Variants in PLEKHG4B observed in about 807,000 individuals in gnomAD.
PLEKHG4B encodes the protein pleckstrin homology and RhoGEF domain containing G4B.
In PLEKHG4B, 111 loss-of-function variants were observed where a neutral mutation model predicts 121.3. The observed-to-expected ratio is 0.92, with a 90% CI of 0.78 to 1.07. PLEKHG4B has a LOEUF of 1.07. PLEKHG4B is among the 50% of genes least tolerant of loss of function. The pLI, the probability that PLEKHG4B is intolerant of heterozygous loss-of-function variation, is 0.00. For synonymous variants in PLEKHG4B, 738 were observed against 725.0 expected, an observed-to-expected ratio of 1.02 and a Z score of -0.29; for missense variants, 1,831 against 1,757.8, an observed-to-expected ratio of 1.04 and a Z score of -0.74.
At position 163,270 on chromosome 5, in the gene PLEKHG4B, C is replaced by T; in HGVS notation, c.3198C>T (p.Thr1066=). The change falls in exon 13 of 20, where the codon ACC becomes ACT. Residue 1066 remains threonine, a synonymous_variant. Transcript: ENST00000637938. ...CCTGTTCCTCTGAGCCCACCCAGAC[C>T]CTGGCCAGCCGCCCCAGGAAACATC... ...SSACSSEPTQ[T]LASRPRKHPQ... is the part of the protein sequence containing the mutation. The T allele has an allele frequency of 6.2e-7, 1 of 1,612,930 alleles. No individual in the cohort carries two copies. Among genetic ancestry groups the T allele is most frequent in the Non-Finnish European group, 8.5e-7 (1 of 1,179,912 alleles).
In PLEKHG4B at chr5:157,964, A is replaced by C. The variant is rs1735847718; in HGVS notation, c.2487+1053A>C. Among the ~76,000 whole-genome samples the C allele has an allele frequency of 6.6e-6, 1 of 152,108 alleles. No homozygotes were observed. Among genetic ancestry groups the C allele is most frequent in the African/African-American group, 2.4e-5 (1 of 41,434 alleles). ...AAGACGTGCAGCAGGGACGCGAGGC[A>C]CTGTGCATGCTCCTGGCCTCCCCAC... On this transcript the variant is annotated intron_variant, in intron 11 of 19. Coordinates refer to ENST00000637938, the MANE Select transcript of PLEKHG4B (RefSeq NM_052909.5). The surrounding 1 kb of genome is among the most constrained non-coding windows in gnomAD (Gnocchi z 4.6).
chr5:172,158 A>G (rs1351720633), intron 16 of PLEKHG4B, among the ~76,000 whole-genome samples: 2 of 152,126 alleles, frequency 1.3e-5, no homozygotes, highest in Admixed American at 1.3e-4. Flanking sequence ...CACCGACGGA[A>G]TCGGGGCTGC....
Position 182,386 on chromosome 5 carries a change from G to A in PLEKHG4B, c.*63G>A. Reference sequence around the variant, plus strand: ...ACAATACAGAGGGAGCAGCACGCCAGGCCTGATGACTCTGGGGGTGGCGGT... The same window carrying A: ...ACAATACAGAGGGAGCAGCACGCCAAGCCTGATGACTCTGGGGGTGGCGGT... On this transcript the variant is annotated 3_prime_UTR_variant, in exon 20 of 20. Transcript: ENST00000637938. The A allele has an allele frequency of 6.7e-7, 1 of 1,487,368 alleles. No individual in the cohort carries two copies. Among genetic ancestry groups the A allele is most frequent in the Non-Finnish European group, 9.0e-7 (1 of 1,110,688 alleles). 92.1% of individuals were successfully genotyped at this position (1,487,368 alleles called of 1,614,324 possible).
chr5:114,667 G>A (rs886610274), intron 2 of PLEKHG4B, among the ~76,000 whole-genome samples: 3 of 152,146 alleles, frequency 2.0e-5, no homozygotes, highest in Non-Finnish European at 4.4e-5. Flanking sequence ...ATGTTGGCCA[G>A]GCTGGTCTTA....
chr5:141,892 G>C (rs1735219210), intron 3 of PLEKHG4B, among the ~76,000 whole-genome samples: 1 of 152,140 alleles, frequency 6.6e-6, no homozygotes, highest in African/African-American at 2.4e-5. Flanking sequence ...GGTGCCTGGA[G>C]ACAGCCACGC....
chr5:122,266 A>T (rs1266557689), intron 2 of PLEKHG4B, among the ~76,000 whole-genome samples: 1 of 152,178 alleles, frequency 6.6e-6, no homozygotes, highest in African/African-American at 2.4e-5. Flanking sequence ...TTATATAACA[A>T]GATGATAGAT....
intron 6 of PLEKHG4B, 100 bp from the exon 7 acceptor site, chr5:151,406 TCTGGGAA>T: frequency 1.5e-6 from 1 of 647,044 alleles, no homozygotes; most frequent in Non-Finnish European, 2.6e-6. Flanking sequence ...CTGTAGGCAC[TCTGGGAA>T]ACTATGACAG....
intron 6 of PLEKHG4B, among the ~76,000 whole-genome samples, chr5:150,942 C>G (rs1735584447): frequency 6.6e-6 from 1 of 152,216 alleles, no homozygotes; most frequent in Non-Finnish European, 1.5e-5. Context: ...ACCCAGTTAT[C>G]CTTCAGCTGG....
At chr5:153,853 AT>A in intron 7 of PLEKHG4B, among the ~76,000 whole-genome samples, 1 of 151,910 alleles carries the variant, frequency 6.6e-6, no homozygotes. Flanking sequence ...CGCTCCACTA[AT>A]TTTTGTATTT....
chr5:122,216 GAAGAACAA>G (rs1475951351), intron 2 of PLEKHG4B, among the ~76,000 whole-genome samples: 1 of 151,900 alleles, frequency 6.6e-6, no homozygotes, highest in Non-Finnish European at 1.5e-5. Flanking sequence ...AGGATGAAAG[GAAGAACAA>G]AAGAACAAAG....
chr5:108,902 C>T (rs376982759), intron 1 of PLEKHG4B, among the ~76,000 whole-genome samples: 145 of 152,336 alleles, frequency 9.5e-4, no homozygotes, highest in South Asian at 1.4e-3. Context: ...GAGATGGGCA[C>T]GGGTACCTGG....
chr5:135,683 ATATAT>A (rs1194076192), intron 2 of PLEKHG4B, among the ~76,000 whole-genome samples: 253 of 16,006 alleles, frequency 0.016, 7 homozygotes, highest in African/African-American at 0.028. Flanking sequence ...AAAAAAAAAA[ATATAT>A]ATATATATAT....
rs527368710 is a variant in PLEKHG4B at position 125,003 on chromosome 5, T to C, written c.243+11555T>C. 2.5e-4 allele frequency among the ~76,000 whole-genome samples: 38 copies of C among 152,094 alleles called. 1 individual carries two copies. In the East Asian group the frequency reaches 7.4e-3, roughly 29 times the overall value. ...CAAAAATTAGCTGGGTGTGGAGGCG[T>C]GCGACTGTAATCCCAGCTACTTGGG... On this transcript the variant is annotated intron_variant, in intron 2 of 19. Transcript: ENST00000637938.
At chr5:103,672 G>A (rs1733888888) in intron 1 of PLEKHG4B, among the ~76,000 whole-genome samples, 1 of 152,146 alleles carries the variant, frequency 6.6e-6, no homozygotes. Flanking sequence ...ATCAGATCAG[G>A]GTAGTTGGGA....
Position 184,677 on chromosome 5 carries a change from G to A in PLEKHG4B, c.*2354G>A, listed in dbSNP as rs1163191933. On this transcript the variant is annotated 3_prime_UTR_variant, in exon 20 of 20. Coordinates refer to ENST00000637938, the MANE Select transcript of PLEKHG4B (RefSeq NM_052909.5). ...CTCCCATTTGCCCCAAGGAATGAGT[G>A]CTGGCAGTGAGCTGCACTTTTTTTT... 1 of 152,210 alleles carries A rather than the reference G, an allele frequency of 6.6e-6. No individual in the cohort carries two copies. The highest frequency in any genetic ancestry group is 1.5e-5 in the Non-Finnish European group (1 of 68,036). 9.4% of individuals were successfully genotyped at this position (152,210 alleles called of 1,614,324 possible).
rs1027232840 is a variant in PLEKHG4B, at chr5:139,812, G to A, written c.573G>A (p.Pro191=). The change falls in exon 3 of 20, where the codon CCG becomes CCA. Residue 191 remains proline, a synonymous_variant. Coordinates refer to ENST00000637938, the MANE Select transcript of PLEKHG4B (RefSeq NM_052909.5). The surrounding 1 kb of genome is among the most constrained non-coding windows in gnomAD (Gnocchi z 5.0). The part of the protein sequence containing the change: ...LTSGLAVHRA[P]WSDVTDPVFV... ...CAGGCTTGGCCGTCCACCGAGCCCC[G>A]TGGAGCGACGTCACTGACCCTGTCT... is the stretch of plus-strand genomic sequence containing the variant. The A allele has an allele frequency of 2.0e-5, 8 of 398,766 alleles. No individual in the cohort carries two copies. Among genetic ancestry groups the A allele is most frequent in the Admixed American group, 1.3e-4 (3 of 22,704 alleles). 24.7% of individuals were successfully genotyped at this position (398,766 alleles called of 1,614,324 possible). A position where few individuals can be genotyped will look rare whatever the true frequency, so the allele number is the denominator to read the frequency against.
intron 2 of PLEKHG4B, among the ~76,000 whole-genome samples, chr5:134,119 A>ATATATATATG (rs1734874120): frequency 9.2e-6 from 1 of 108,418 alleles, no homozygotes; most frequent in Admixed American, 9.7e-5. Context: ...ATATATATAT[A>ATATATATATG]TATGTGATGG....
At chr5:107,714 G>A (rs1177888206) in intron 1 of PLEKHG4B, among the ~76,000 whole-genome samples, 2 of 152,202 alleles carry the variant, frequency 1.3e-5, no homozygotes, top group Admixed American at 6.5e-5. Context: ...GTAGGCATGT[G>A]TCAGTGAGGA....
Position 135,665 on chromosome 5 carries a change from C to CAAAAAA in PLEKHG4B, c.244-3805_244-3800dup, listed in dbSNP as rs139636561. Among the ~76,000 whole-genome samples, 48 of 18,108 alleles carry CAAAAAA rather than the reference C, an allele frequency of 2.7e-3. 1 individual carries two copies. The highest frequency in any genetic ancestry group is 6.1e-3 in the South Asian group (2 of 328). 11.9% of individuals were successfully genotyped at this position (18,108 alleles called of 152,430 possible). On this transcript the variant is annotated intron_variant, in intron 2 of 19. Coordinates refer to ENST00000637938, the MANE Select transcript of PLEKHG4B (RefSeq NM_052909.5). ...TGGGCGACAAAGCAAGACTCCATCTCAAAAAAAAAAAAAAAAAATATATAT... is the reference window on the plus strand; with the variant it reads ...TGGGCGACAAAGCAAGACTCCATCTCAAAAAAAAAAAAAAAAAAAAAAAATATATAT...
Sources: allele counts gnomAD v4.1 joint callset (sites outside exome capture counted in the v4.1 genomes callset), GRCh38; gene constraint gnomAD v4.1.1; non-coding constraint Gnocchi (gnomAD v3.1); transcripts MANE v1.5; gene names NCBI Gene and HGNC (gene_info 2026-07-23, HGNC 2026-07-21).